PTPRD: variants seen among roughly 807,000 people sequenced by gnomAD.
PTPRD encodes the protein protein tyrosine phosphatase receptor type D.
Under a neutral mutation model 214.5 loss-of-function variants are expected in PTPRD, and 34 were observed. The observed-to-expected ratio is 0.16, with a 90% CI of 0.12 to 0.21. PTPRD has a LOEUF of 0.21. Ranked by LOEUF, PTPRD falls within the 10% of genes least tolerant of loss-of-function variation. PTPRD has a pLI of 1.00. For missense variants in PTPRD, 2,545 were observed against 2,398.7 expected (o/e 1.06, Z -1.27); for synonymous variants, 1,128 against 845.7 (o/e 1.33, Z -5.79).
intron 39 of PTPRD, among the ~76,000 whole-genome samples, chr9:8,375,421 A>G (rs1416325781): frequency 6.6e-6 from 1 of 152,070 alleles, no homozygotes; most frequent in African/African-American, 2.4e-5. Flanking sequence ...ATACATTTTT[A>G]AAAATCAAAT....
intron 11 of PTPRD, among the ~76,000 whole-genome samples, chr9:8,865,771 T>C (rs944047991): frequency 2.0e-5 from 3 of 152,106 alleles, no homozygotes; most frequent in Admixed American, 1.3e-4. Flanking sequence ...TTGCCTCTTA[T>C]TGAGACTGTG....
At chr9:8,563,973 A>C (rs2087679239) in intron 14 of PTPRD, among the ~76,000 whole-genome samples, 1 of 152,148 alleles carries the variant, frequency 6.6e-6, no homozygotes, top group Admixed American at 6.5e-5. Flanking sequence ...GCCTCGGCAT[A>C]CAATTTTCAA....
chr9:10,416,776 G>C (rs2098494194), intron 2 of PTPRD, among the ~76,000 whole-genome samples: 1 of 151,802 alleles, frequency 6.6e-6, no homozygotes, highest in Admixed American at 6.6e-5. Flanking sequence ...TTGGGGGACT[G>C]GCTGAAGGTG....
At chr9:9,910,308 G>C (rs185944406) in intron 5 of PTPRD, among the ~76,000 whole-genome samples, 2 of 152,062 alleles carry the variant, frequency 1.3e-5, no homozygotes, top group East Asian at 3.9e-4. Flanking sequence ...GCTGCTTGAT[G>C]TAATGTGAAT....
At chr9:8,756,632 A>G (rs1053934022) in intron 11 of PTPRD, among the ~76,000 whole-genome samples, 2 of 152,308 alleles carry the variant, frequency 1.3e-5, no homozygotes, top group South Asian at 4.1e-4. Flanking sequence ...ATTAAGGTCC[A>G]ATCACCAAGC....
chr9:10,370,561 TAATC>T (rs2097591039), intron 2 of PTPRD, among the ~76,000 whole-genome samples: 1 of 152,068 alleles, frequency 6.6e-6, no homozygotes, highest in Admixed American at 6.6e-5. Flanking sequence ...GAAATTGAAT[TAATC>T]AAATCAAAAA....
intron 5 of PTPRD, among the ~76,000 whole-genome samples, chr9:9,774,937 A>G (rs1184004609): frequency 2.0e-5 from 3 of 152,216 alleles, no homozygotes; most frequent in Non-Finnish European, 4.4e-5. Context: ...ACAAAGTAAT[A>G]ATGGAATTAA....
chr9:9,123,689 A>T (rs2099819781), intron 10 of PTPRD, among the ~76,000 whole-genome samples: 1 of 152,224 alleles, frequency 6.6e-6, no homozygotes, highest in Admixed American at 6.5e-5. Context: ...ATTTCAGAAC[A>T]AAAGGGTGTA....
At chr9:8,510,893 T>G (rs945862642) in intron 21 of PTPRD, among the ~76,000 whole-genome samples, 2 of 152,108 alleles carry the variant, frequency 1.3e-5, no homozygotes. Flanking sequence ...GAAAACACTT[T>G]GTTTTCTCTG....
chr9:8,774,966 G>C (rs73425100), intron 11 of PTPRD, among the ~76,000 whole-genome samples: 9,843 of 152,228 alleles, frequency 0.065, 545 homozygotes, highest in African/African-American at 0.15. Flanking sequence ...AAAAATTAAA[G>C]TCTCTACCAC....
At chr9:9,955,243 G>C (rs1487010828) in intron 4 of PTPRD, among the ~76,000 whole-genome samples, 1 of 152,144 alleles carries the variant, frequency 6.6e-6, no homozygotes, top group Admixed American at 6.5e-5. Flanking sequence ...AATAATGCAT[G>C]AATGAGTGAA....
chr9:10,002,106 T>G (rs928291491), intron 4 of PTPRD, among the ~76,000 whole-genome samples: 21 of 151,762 alleles, frequency 1.4e-4, no homozygotes, highest in Middle Eastern at 3.5e-3. Flanking sequence ...TGAACTAGAT[T>G]GTTTTAAATT....
At chr9:10,382,732 G>T (rs190108029) in intron 2 of PTPRD, among the ~76,000 whole-genome samples, 3 of 151,978 alleles carry the variant, frequency 2.0e-5, no homozygotes, top group Admixed American at 6.6e-5. Context: ...GAAACCCTAA[G>T]ATATCTATTT....
rs566123242 is a variant in PTPRD, at chr9:9,975,674, C to A, written c.-471-37064G>T. The stretch of plus-strand genomic sequence containing the variant: ...CAACCTACTAAAATACACACCACCA[C>A]CAACAAGGAGATCTCTGTTAAGATA... On this transcript the variant is annotated intron_variant, in intron 4 of 45. Coordinates refer to ENST00000381196, the MANE Select transcript of PTPRD (RefSeq NM_002839.4). Among the ~76,000 whole-genome samples the A allele has an allele frequency of 2.0e-5, 3 of 152,270 alleles. 1 individual carries two copies. The South Asian group carries it at 6.2e-4, about 32-fold the overall frequency.
At chr9:8,683,239 T>C (rs899194225) in intron 12 of PTPRD, among the ~76,000 whole-genome samples, 8 of 152,186 alleles carry the variant, frequency 5.3e-5, no homozygotes, top group Non-Finnish European at 1.2e-4. Context: ...AAATCTGACT[T>C]TGCATTCATG....
intron 14 of PTPRD, among the ~76,000 whole-genome samples, chr9:8,571,005 G>C (rs986742655): frequency 1.3e-5 from 2 of 151,720 alleles, no homozygotes; most frequent in Non-Finnish European, 2.9e-5. Context: ...GTTTCCACAG[G>C]CTAACACATA....
chr9:10,221,773 G>A (rs1480236779), intron 3 of PTPRD, among the ~76,000 whole-genome samples: 1 of 151,468 alleles, frequency 6.6e-6, no homozygotes, highest in Non-Finnish European at 1.5e-5. Context: ...TAGTGTTCAT[G>A]GCTAAAAAAC....
At chr9:9,160,768 T>C (rs972336617) in intron 10 of PTPRD, among the ~76,000 whole-genome samples, 4 of 152,172 alleles carry the variant, frequency 2.6e-5, no homozygotes, top group African/African-American at 9.6e-5. Flanking sequence ...AGCCAAGATA[T>C]GGAATCAATC....
chr9:9,141,622 GCA>G (rs2099860562), intron 10 of PTPRD, among the ~76,000 whole-genome samples: 1 of 151,296 alleles, frequency 6.6e-6, no homozygotes. Flanking sequence ...CGGGAACAGT[GCA>G]CATCATGAAG....
Sources: allele counts gnomAD v4.1 joint callset (sites outside exome capture counted in the v4.1 genomes callset), GRCh38; gene constraint gnomAD v4.1.1; transcripts MANE v1.5; gene names NCBI Gene and HGNC (gene_info 2026-07-23, HGNC 2026-07-21).